Variants in KALRN observed in about 807,000 individuals in gnomAD.
KALRN encodes the protein kalirin.
Under a neutral mutation model 353.7 loss-of-function variants are expected in KALRN, and 70 were observed. The observed-to-expected ratio is 0.20, with a 90% CI of 0.16 to 0.24. The LOEUF is 0.24. Ranked by LOEUF, KALRN falls within the 10% of genes least tolerant of loss-of-function variation. KALRN has a pLI of 1.00. For synonymous variants in KALRN, 1,391 were observed against 1,434.8 expected (o/e 0.97, Z 0.69); for missense variants, 2,791 against 3,756.7 (o/e 0.74, Z 6.72).
In KALRN at chr3:124,719,584, G is replaced by C; in HGVS notation, c.*114G>C. ...TTCACTCCGTGCAGTTCTCTGAATT[G>C]AGAGATGTACCTCTTAAACCTCGTC... is the stretch of plus-strand genomic sequence containing the variant. On this transcript the variant is annotated 3_prime_UTR_variant, in exon 60 of 60. Transcript: ENST00000682506. The surrounding 1 kb of genome is among the most constrained non-coding windows in gnomAD (Gnocchi z 5.3). 1 of 1,051,618 alleles carries C rather than the reference G, an allele frequency of 9.5e-7. No individual in the cohort carries two copies. Among genetic ancestry groups the C allele is most frequent in the Non-Finnish European group, 1.4e-6 (1 of 732,682 alleles). 65.1% of individuals were successfully genotyped at this position (1,051,618 alleles called of 1,614,324 possible). A position where few individuals can be genotyped will look rare whatever the true frequency, so the allele number is the denominator to read the frequency against.
intron 1 of KALRN, among the ~76,000 whole-genome samples, chr3:124,054,882 G>A (rs985109122): frequency 6.6e-6 from 1 of 152,142 alleles, no homozygotes; most frequent in African/African-American, 2.4e-5. Context: ...GTGATTATCA[G>A]TAGTTCCAAC....
intron 44 of KALRN, among the ~76,000 whole-genome samples, chr3:124,661,439 G>T (rs533017715): frequency 6.6e-6 from 1 of 152,318 alleles, no homozygotes; most frequent in African/African-American, 2.4e-5. Context: ...TTTAAGCCAG[G>T]GAGGTTACAG....
chr3:124,319,683 T>C (rs2079127160), intron 6 of KALRN, among the ~76,000 whole-genome samples: 1 of 151,704 alleles, frequency 6.6e-6, no homozygotes, highest in African/African-American at 2.4e-5. Flanking sequence ...CCCACCATCA[T>C]GTATACCTGG....
intron 33 of KALRN, among the ~76,000 whole-genome samples, chr3:124,534,536 A>AAAAT (rs369876948): frequency 8.6e-4 from 131 of 152,348 alleles, no homozygotes; most frequent in African/African-American, 3.1e-3. Context: ...AACTTCAAGT[A>AAAAT]AAATAAAATA....
At chr3:124,260,929 C>A (rs1396981949) in intron 3 of KALRN, among the ~76,000 whole-genome samples, 1 of 152,126 alleles carries the variant, frequency 6.6e-6, no homozygotes, top group Non-Finnish European at 1.5e-5. Flanking sequence ...TCCTCTGAGT[C>A]CCCTAACTTA....
At chr3:124,514,799 A>G (rs1485379994) in intron 33 of KALRN, among the ~76,000 whole-genome samples, 3 of 152,182 alleles carry the variant, frequency 2.0e-5, no homozygotes, top group African/African-American at 4.8e-5. Flanking sequence ...AATAATATAA[A>G]TTCTATCAGT....
intron 3 of KALRN, among the ~76,000 whole-genome samples, chr3:124,255,267 C>T (rs2166166): frequency 0.94 from 142,783 of 152,286 alleles, 67,641 homozygotes; most frequent in East Asian, 1. Context: ...TAGTGTTCCC[C>T]TAACAAATTA....
At chr3:124,569,054 G>T (rs547217965) in intron 34 of KALRN, among the ~76,000 whole-genome samples, 3 of 152,270 alleles carry the variant, frequency 2.0e-5, no homozygotes, top group South Asian at 2.1e-4. Flanking sequence ...TCTGTACCTG[G>T]CTGTACAGGA....
At chr3:124,538,463 G>GT (rs1251427671) in intron 33 of KALRN, among the ~76,000 whole-genome samples, 1 of 152,152 alleles carries the variant, frequency 6.6e-6, no homozygotes, top group Non-Finnish European at 1.5e-5. Context: ...ATTTGGATGA[G>GT]TTTTTAAAGC....
chr3:124,268,233 A>G (rs560249620), intron 4 of KALRN, among the ~76,000 whole-genome samples: 1 of 152,166 alleles, frequency 6.6e-6, no homozygotes, highest in South Asian at 2.1e-4. Flanking sequence ...TCTGTTCACC[A>G]TACCACAGAA....
chr3:124,203,287 C>T (rs961619541), intron 1 of KALRN, among the ~76,000 whole-genome samples: 1 of 152,188 alleles, frequency 6.6e-6, no homozygotes, highest in African/African-American at 2.4e-5. Context: ...TCAGCCTTCT[C>T]ATTAACCCAT....
chr3:124,435,306 G>C (rs1309100332), intron 17 of KALRN, among the ~76,000 whole-genome samples: 1 of 152,152 alleles, frequency 6.6e-6, no homozygotes, highest in Non-Finnish European at 1.5e-5. Flanking sequence ...ACAGCTCTCT[G>C]TCATTAGGGA....
chr3:124,104,203 T>C (rs2062100407), intron 1 of KALRN, among the ~76,000 whole-genome samples: 1 of 152,224 alleles, frequency 6.6e-6, no homozygotes. Context: ...TAATTGGGTC[T>C]GAATGAAAGA....
chr3:124,195,802 G>A (rs942951510), intron 1 of KALRN, among the ~76,000 whole-genome samples: 4 of 152,184 alleles, frequency 2.6e-5, no homozygotes, highest in African/African-American at 9.7e-5. Flanking sequence ...GTCTGCAAAG[G>A]CCTGCCTACC....
intron 10 of KALRN, among the ~76,000 whole-genome samples, chr3:124,363,737 G>T (rs2149704632): frequency 6.6e-6 from 1 of 152,286 alleles, no homozygotes; most frequent in Admixed American, 6.5e-5. Context: ...TTCTTTCACT[G>T]TTTGAGGGCC....
At chr3:124,381,659 C>T (rs539698743) in intron 10 of KALRN, among the ~76,000 whole-genome samples, 14 of 152,272 alleles carry the variant, frequency 9.2e-5, no homozygotes, top group African/African-American at 3.4e-4. Context: ...TTTTTTGCCA[C>T]TCTCCAATTT....
At chr3:124,596,169 A>G (rs558875222) in intron 34 of KALRN, among the ~76,000 whole-genome samples, 2 of 148,468 alleles carry the variant, frequency 1.3e-5, no homozygotes, top group African/African-American at 5.0e-5. Context: ...TTTCAAAACA[A>G]TAGCTCCATC....
At chr3:124,362,602 C>G (rs949745217) in intron 10 of KALRN, among the ~76,000 whole-genome samples, 1 of 152,266 alleles carries the variant, frequency 6.6e-6, no homozygotes, top group African/African-American at 2.4e-5. Flanking sequence ...CTGGCAACTT[C>G]AGCTATAATT....
At chr3:124,179,795 C>T (rs558978865) in intron 1 of KALRN, among the ~76,000 whole-genome samples, 2 of 152,176 alleles carry the variant, frequency 1.3e-5, no homozygotes, top group African/African-American at 4.8e-5. Flanking sequence ...CGTTGTTATG[C>T]GGTGCATGGC....
Sources: gnomAD v4.1 joint callset for allele counts (sites outside exome capture counted in the v4.1 genomes callset) on GRCh38, gnomAD v4.1.1 for gene constraint, Gnocchi (gnomAD v3.1) non-coding constraint, MANE v1.5 for transcripts, NCBI Gene and HGNC (gene_info 2026-07-23, HGNC 2026-07-21) for gene names.